Variants in GAS7 observed in about 807,000 individuals in gnomAD.
The protein encoded by GAS7 is growth arrest-specific protein 7.
A neutral mutation model predicts 71.1 loss-of-function variants in GAS7; 28 were observed. The observed-to-expected ratio is 0.39, with a 90% CI of 0.29 to 0.54. The LOEUF is 0.54. Ranked by LOEUF, GAS7 falls within the 20% of genes least tolerant of loss-of-function variation. GAS7 has a pLI of 0.62. For synonymous variants in GAS7, 258 were observed against 245.8 expected (o/e 1.05, Z -0.46); for missense variants, 436 against 627.8 (o/e 0.69, Z 3.27).
At chr17:10,157,393 C>T (rs1314036386) in intron 1 of GAS7, among the ~76,000 whole-genome samples, 1 of 152,200 alleles carries the variant, frequency 6.6e-6, no homozygotes, top group Admixed American at 6.5e-5. Flanking sequence ...CTGACGCCTA[C>T]GTGGGGAACT....
At chr17:10,038,065 A>G (rs2072789323) in intron 1 of GAS7, among the ~76,000 whole-genome samples, 1 of 152,050 alleles carries the variant, frequency 6.6e-6, no homozygotes, top group Non-Finnish European at 1.5e-5. Context: ...TAAAAAAAAA[A>G]AACCAGACAA....
intron 1 of GAS7, among the ~76,000 whole-genome samples, chr17:10,045,504 C>G (rs1330964509): frequency 6.6e-6 from 1 of 152,152 alleles, no homozygotes; most frequent in Non-Finnish European, 1.5e-5. Context: ...CAAGGCCAGC[C>G]TGGCCAACAT....
At chr17:10,076,746 G>A (rs1249650144) in intron 1 of GAS7, among the ~76,000 whole-genome samples, 4 of 152,268 alleles carry the variant, frequency 2.6e-5, no homozygotes, top group East Asian at 1.9e-4. Context: ...GTTTCAGAAC[G>A]GACGAGCTGA....
chr17:10,159,549 C>G (rs569632708), intron 1 of GAS7, among the ~76,000 whole-genome samples: 44 of 152,048 alleles, frequency 2.9e-4, no homozygotes, highest in Middle Eastern at 3.4e-3. Flanking sequence ...TGCACCCCCC[C>G]CAACCTCCAT....
At chr17:9,932,282 C>T (rs2068238425) in intron 9 of GAS7, among the ~76,000 whole-genome samples, 1 of 149,274 alleles carries the variant, frequency 6.7e-6, no homozygotes, top group Non-Finnish European at 1.5e-5. Flanking sequence ...GCAACTTCTG[C>T]CTCCAGGGTT....
rs1201768799 is a variant in GAS7, at chr17:10,162,816, A to G, written c.183+35392T>C. Among the ~76,000 whole-genome samples the G allele has an allele frequency of 3.3e-5, 5 of 152,330 alleles. No homozygotes were observed. In the East Asian group the frequency reaches 5.8e-4, roughly 18 times the overall value. Reference sequence around the variant, plus strand: ...AGTCAAATTCATAGAGATAGAAAGGACAATGGAGTTACCAGGGGCTGGCGG... The same window carrying G: ...AGTCAAATTCATAGAGATAGAAAGGGCAATGGAGTTACCAGGGGCTGGCGG... On this transcript the variant is annotated intron_variant, in intron 1 of 13. Transcript: ENST00000432992.
At chr17:10,109,990 G>A (rs1045041867) in intron 1 of GAS7, among the ~76,000 whole-genome samples, 1 of 149,474 alleles carries the variant, frequency 6.7e-6, no homozygotes, top group African/African-American at 2.5e-5. Flanking sequence ...GGAGGTGGAG[G>A]TTGCAGTGAG....
chr17:9,967,245 T>C (rs2069756243), intron 4 of GAS7, among the ~76,000 whole-genome samples: 3 of 151,144 alleles, frequency 2.0e-5, no homozygotes, highest in African/African-American at 4.8e-5. Flanking sequence ...TTTAGGAAAT[T>C]TGAAAAATAA....
chr17:9,963,998 G>A lies in GAS7; in HGVS notation c.472-4743C>T, dbSNP rs558948943. On this transcript the variant is annotated intron_variant, in intron 4 of 13. Transcript: ENST00000432992. ...AATAAAACAAGATTGGACAAAGGCA[G>A]GTAATCGTTGGGCTTAACAGATTTG... Among the ~76,000 whole-genome samples, 21 of 152,204 alleles carry A rather than the reference G, an allele frequency of 1.4e-4. 1 individual carries two copies. In the South Asian group the frequency reaches 1.5e-3, roughly 11 times the overall value.
At chr17:10,071,491 G>A (rs970750720) in intron 1 of GAS7, among the ~76,000 whole-genome samples, 4 of 152,270 alleles carry the variant, frequency 2.6e-5, no homozygotes, top group South Asian at 2.1e-4. Flanking sequence ...CGGAGGCAGC[G>A]CAGACAGCCG....
At chr17:10,187,563 T>C (rs1352873168) in intron 1 of GAS7, among the ~76,000 whole-genome samples, 2 of 152,358 alleles carry the variant, frequency 1.3e-5, no homozygotes, top group South Asian at 4.1e-4. Flanking sequence ...TCCACAGATT[T>C]CCTCATGTGT....
intron 1 of GAS7, among the ~76,000 whole-genome samples, chr17:10,175,548 G>A (rs941816841): frequency 5.9e-5 from 9 of 152,166 alleles, no homozygotes. Context: ...TTTCTTAAAA[G>A]GACACCAGTC....
Position 10,103,685 on chromosome 17 carries a change from G to A in GAS7, c.184-83788C>T, listed in dbSNP as rs188333133. On this transcript the variant is annotated intron_variant, in intron 1 of 13. Transcript: ENST00000432992. The surrounding 1 kb of genome is among the most constrained non-coding windows in gnomAD (Gnocchi z 5.5). ...TACCAAAAATACAAAAATTAGCTGG[G>A]TGTGGTGGCACATGCCTGTAATCCC... is the stretch of plus-strand genomic sequence containing the variant. 9.5e-4 allele frequency among the ~76,000 whole-genome samples: 145 copies of A among 152,190 alleles called. No individual in the cohort carries two copies. Among genetic ancestry groups the A allele is most frequent in the Admixed American group, 9.8e-4 (15 of 15,280 alleles).
chr17:9,995,954 T>C (rs1465913615), intron 2 of GAS7, among the ~76,000 whole-genome samples: 1 of 152,206 alleles, frequency 6.6e-6, no homozygotes, highest in Non-Finnish European at 1.5e-5. Context: ...ACACTACGTG[T>C]ACAAAAGGTT....
chr17:10,061,574 C>G (rs902667900), intron 1 of GAS7, among the ~76,000 whole-genome samples: 3 of 152,246 alleles, frequency 2.0e-5, no homozygotes, highest in African/African-American at 7.2e-5. Context: ...TTTATATCCT[C>G]TTTTATGGCA....
Position 9,959,280 on chromosome 17 carries a change from G to A in GAS7, c.472-25C>T, listed in dbSNP as rs753780641. 10 of 1,613,906 alleles carry A rather than the reference G, an allele frequency of 6.2e-6. No individual in the cohort carries two copies. Among genetic ancestry groups the A allele is most frequent in the South Asian group, 3.3e-5 (3 of 91,066 alleles). On this transcript the variant is annotated intron_variant, in intron 4 of 13. Coordinates refer to ENST00000432992, the MANE Select transcript of GAS7 (RefSeq NM_201433.2). This position sits in a 1 kb window ranked among gnomAD's most constrained non-coding sequence, Gnocchi z 5.0. ...TCTGGGGAGAGAGGCAAGAAACATC[G>A]TCAAAGCTGTTCTCCATATTGGACA...
chr17:9,941,653 C>G (rs919365542), intron 7 of GAS7, among the ~76,000 whole-genome samples: 1 of 152,242 alleles, frequency 6.6e-6, no homozygotes, highest in African/African-American at 2.4e-5. Context: ...TATTTGCTAA[C>G]AAGACGTTGT....
At chr17:10,079,070 C>T (rs2073427871) in intron 1 of GAS7, among the ~76,000 whole-genome samples, 1 of 152,098 alleles carries the variant, frequency 6.6e-6, no homozygotes, top group Non-Finnish European at 1.5e-5. Flanking sequence ...CAGACCAAAG[C>T]AGAGGATGCA....
intron 1 of GAS7, among the ~76,000 whole-genome samples, chr17:10,131,626 GAAC>G (rs1321504213): frequency 6.6e-6 from 1 of 152,070 alleles, no homozygotes; most frequent in Admixed American, 6.6e-5. Context: ...TGTCTCAAAA[GAAC>G]AAAAGAAAAC....
Sources: allele counts gnomAD v4.1 joint callset (sites outside exome capture counted in the v4.1 genomes callset), GRCh38; gene constraint gnomAD v4.1.1; non-coding constraint Gnocchi (gnomAD v3.1); transcripts MANE v1.5; gene names NCBI Gene and HGNC (gene_info 2026-07-23, HGNC 2026-07-21).